CD2AP: variants seen among roughly 807,000 people sequenced by gnomAD.
The protein encoded by CD2AP is CD2 associated protein, also known as CD2-associated protein.
Under a neutral mutation model 85.1 loss-of-function variants are expected in CD2AP, and 46 were observed. The observed-to-expected ratio is 0.54, with a 90% confidence interval of 0.43 to 0.69. The LOEUF is 0.69. Among genes scored for constraint, CD2AP ranks in the 30% least tolerant of loss-of-function variants. The pLI, the probability that CD2AP is intolerant of heterozygous loss-of-function variation, is 0.00. For synonymous variants in CD2AP, 255 were observed against 252.9 expected, an observed-to-expected ratio of 1.01 and a Z score of -0.08; for missense variants, 769 against 729.5, an observed-to-expected ratio of 1.05 and a Z score of -0.62.
At chr6:47,556,015 T>A (rs1299396490) in intron 5 of CD2AP, among the ~76,000 whole-genome samples, 1 of 151,762 alleles carries the variant, frequency 6.6e-6, no homozygotes, top group Non-Finnish European at 1.5e-5. Flanking sequence ...TAAACCTCAG[T>A]GCACTCAGTG....
At chr6:47,535,524 A>G (rs1339970698) in intron 3 of CD2AP, among the ~76,000 whole-genome samples, 1 of 152,220 alleles carries the variant, frequency 6.6e-6, no homozygotes, top group African/African-American at 2.4e-5. Context: ...TTCATAAAAT[A>G]AAAACAGGTT....
In CD2AP at chr6:47,491,271, ATGTGTGTGTGTG is replaced by A. The variant is rs57447174; in HGVS notation, c.5-11987_5-11976del. On this transcript the variant is annotated intron_variant, in intron 1 of 17. Coordinates refer to ENST00000359314, the MANE Select transcript of CD2AP (RefSeq NM_012120.3). Reference sequence around the variant, plus strand: ...CTTTCTTCCTGATATGTGTGTGTGTATGTGTGTGTGTGTGTGTGTGTGTGTGTGTGTGTAATA... The same window carrying A: ...CTTTCTTCCTGATATGTGTGTGTGTATGTGTGTGTGTGTGTGTGTGTAATA... Among the ~76,000 whole-genome samples, 1,110 of 122,528 alleles carry A rather than the reference ATGTGTGTGTGTG, an allele frequency of 9.1e-3. 11 individuals carry two copies. The highest frequency in any genetic ancestry group is 0.025 in the African/African-American group (956 of 37,516). The allele number at this position is 122,528 out of a possible 152,430, so 80.4% of individuals were successfully genotyped here.
At chr6:47,616,082 C>T (rs1396996580) in intron 17 of CD2AP, among the ~76,000 whole-genome samples, 6 of 63,826 alleles carry the variant, frequency 9.4e-5, no homozygotes, top group African/African-American at 7.3e-5. Context: ...TGCGCCTGGC[C>T]TTTTTTTTTT....
intron 11 of CD2AP, among the ~76,000 whole-genome samples, chr6:47,588,561 T>G (rs2114118451): frequency 6.6e-6 from 1 of 152,250 alleles, no homozygotes; most frequent in Middle Eastern, 3.4e-3. Flanking sequence ...AAAAGGAAGC[T>G]GAAGTGTTTC....
chr6:47,562,881 G>C, intron 5 of CD2AP: 1 of 758,844 alleles, frequency 1.3e-6, no homozygotes, highest in Non-Finnish European at 2.4e-6. Context: ...AACTGTAGGG[G>C]AATGGGTAGG....
chr6:47,521,195 C>G (rs1355268913), intron 2 of CD2AP, among the ~76,000 whole-genome samples: 1 of 152,076 alleles, frequency 6.6e-6, no homozygotes, highest in Non-Finnish European at 1.5e-5. Context: ...GCTTATCTTG[C>G]TCATAAGTAA....
At chr6:47,484,773 G>C (rs1023639040) in intron 1 of CD2AP, among the ~76,000 whole-genome samples, 16 of 152,160 alleles carry the variant, frequency 1.1e-4, no homozygotes, top group African/African-American at 3.9e-4. Context: ...TGCCTTATTA[G>C]TGCCTCTTAG....
rs1255659198 is a variant in CD2AP at position 47,625,563 on chromosome 6, A to T, written c.*1336A>T. The T allele has an allele frequency of 6.6e-6, 1 of 151,888 alleles. No homozygotes were observed. The highest frequency in any genetic ancestry group is 2.4e-5 in the African/African-American group (1 of 41,430). The allele number at this position is 151,888 out of a possible 1,614,324, so 9.4% of individuals were successfully genotyped here. A position where few individuals can be genotyped will look rare whatever the true frequency, so the allele number is the denominator to read the frequency against. ...GGTTTATTTAAATTTTTAAAATTTG[A>T]AATTTTTTATTTGCAAAAAATTGTT... On this transcript the variant is annotated 3_prime_UTR_variant, in exon 18 of 18. Coordinates refer to ENST00000359314, the MANE Select transcript of CD2AP (RefSeq NM_012120.3).
chr6:47,602,399 TA>T (rs1562052218), intron 13 of CD2AP, among the ~76,000 whole-genome samples: 1 of 152,048 alleles, frequency 6.6e-6, no homozygotes, highest in African/African-American at 2.4e-5. Flanking sequence ...TACTAATTAA[TA>T]ATAAAGCTTG....
intron 11 of CD2AP, among the ~76,000 whole-genome samples, chr6:47,595,072 CT>C (rs1202036036): frequency 1.3e-5 from 2 of 151,966 alleles, no homozygotes; most frequent in African/African-American, 4.8e-5. Context: ...TTATGACTAT[CT>C]CATGTATGCA....
chr6:47,584,657 C>T (rs934045401), intron 11 of CD2AP, among the ~76,000 whole-genome samples: 10 of 152,058 alleles, frequency 6.6e-5, no homozygotes, highest in African/African-American at 2.4e-4. Flanking sequence ...GTTTTACTTT[C>T]AAAATGGAAG....
intron 13 of CD2AP, among the ~76,000 whole-genome samples, chr6:47,604,012 C>T (rs532736076): frequency 4.6e-5 from 7 of 151,994 alleles, no homozygotes; most frequent in South Asian, 2.1e-4. Flanking sequence ...TTTCCTGATT[C>T]GTTTAAAATA....
chr6:47,560,457 A>G (rs1767826948), intron 5 of CD2AP, among the ~76,000 whole-genome samples: 1 of 151,828 alleles, frequency 6.6e-6, no homozygotes, highest in Non-Finnish European at 1.5e-5. Context: ...TGTTTCTTAA[A>G]TCTGTAATAG....
At chr6:47,607,754 T>C (rs1769313815) in intron 14 of CD2AP, 173 bp from the exon 15 acceptor site, 1 of 534,476 alleles carries the variant, frequency 1.9e-6, no homozygotes, top group Non-Finnish European at 3.3e-6. Context: ...CCTCAAGATA[T>C]GCAAATGTGT....
At chr6:47,561,794 T>G (rs368993148) in intron 5 of CD2AP, among the ~76,000 whole-genome samples, 2 of 152,222 alleles carry the variant, frequency 1.3e-5, no homozygotes, top group African/African-American at 4.8e-5. Context: ...ATTTATGTAT[T>G]TATTGAGACG....
intron 5 of CD2AP, among the ~76,000 whole-genome samples, chr6:47,561,301 T>C (rs1053474521): frequency 3.9e-5 from 6 of 152,312 alleles, no homozygotes; most frequent in Admixed American, 1.3e-4. Context: ...CCCTTAGTCC[T>C]AGGCAATCAT....
chr6:47,554,834 G>A (rs566853138), intron 5 of CD2AP, 68 bp downstream of exon 5: 2 of 1,432,536 alleles, frequency 1.4e-6, no homozygotes, highest in African/African-American at 1.4e-5. Context: ...GTTTTATTTT[G>A]TATTTTTTGA....
intron 2 of CD2AP, among the ~76,000 whole-genome samples, chr6:47,527,807 T>C (rs1023743098): frequency 6.6e-6 from 1 of 152,142 alleles, no homozygotes. Context: ...ATTTCATTAT[T>C]TTTGAAAGTG....
At chr6:47,532,448 T>G (rs1002426444) in intron 2 of CD2AP, among the ~76,000 whole-genome samples, 1 of 151,482 alleles carries the variant, frequency 6.6e-6, no homozygotes, top group African/African-American at 2.4e-5. Context: ...GTTAAAATTG[T>G]TAATTTTAAT....
Sources: gnomAD v4.1 joint callset for allele counts (sites outside exome capture counted in the v4.1 genomes callset) on GRCh38, gnomAD v4.1.1 for gene constraint, MANE v1.5 for transcripts, NCBI Gene and HGNC (gene_info 2026-07-23, HGNC 2026-07-21) for gene names.